Variants in EYS observed in about 807,000 individuals in gnomAD.
The protein encoded by EYS is protein eyes shut homolog.
EYS carries 250 observed loss-of-function variants against 282.1 expected under a neutral mutation model. The observed-to-expected ratio is 0.89, with a 90% confidence interval of 0.80 to 0.98. The LOEUF (loss-of-function observed/expected upper bound fraction) is 0.98, where lower values mean the gene tolerates loss of function less well. Among genes scored for constraint, EYS ranks in the 50% least tolerant of loss-of-function variants. EYS has a pLI of 0.00. For synonymous variants in EYS, 1,355 were observed against 1,282.9 expected, an observed-to-expected ratio of 1.06 and a Z score of -1.20; for missense variants, 4,016 against 3,709.0, an observed-to-expected ratio of 1.08 and a Z score of -2.15.
At chr6:65,589,326 G>A (rs930869375) in intron 2 of EYS, among the ~76,000 whole-genome samples, 2 of 151,974 alleles carry the variant, frequency 1.3e-5, no homozygotes, top group Admixed American at 6.6e-5. Flanking sequence ...ACTCTTTGAC[G>A]ATCCTTACTC....
chr6:63,977,917 C>T (rs1348946285), intron 35 of EYS, among the ~76,000 whole-genome samples: 3 of 152,026 alleles, frequency 2.0e-5, no homozygotes, highest in African/African-American at 7.2e-5. Context: ...AATTCTTGAA[C>T]TTGAGGTTTG....
At chr6:65,446,089 G>A (rs1411021625) in intron 5 of EYS, among the ~76,000 whole-genome samples, 1 of 151,556 alleles carries the variant, frequency 6.6e-6, no homozygotes, top group East Asian at 1.9e-4. Context: ...CAGTGACTTT[G>A]CCTAATGTCA....
At chr6:65,025,550 A>G (rs1224354726) in intron 13 of EYS, among the ~76,000 whole-genome samples, 1 of 152,188 alleles carries the variant, frequency 6.6e-6, no homozygotes, top group Non-Finnish European at 1.5e-5. Context: ...TAAACAGTAA[A>G]GAAACATGGT....
chr6:64,097,206 C>T (rs1772654829), intron 31 of EYS, among the ~76,000 whole-genome samples: 1 of 152,180 alleles, frequency 6.6e-6, no homozygotes, highest in African/African-American at 2.4e-5. Flanking sequence ...GTCAGGGACC[C>T]ACTTGAGGAG....
chr6:64,728,536 C>T (rs1025536242), intron 22 of EYS, among the ~76,000 whole-genome samples: 1 of 152,036 alleles, frequency 6.6e-6, no homozygotes. Context: ...GGGGTTTCAC[C>T]GCATTATCCA....
chr6:65,327,092 T>C (rs1769643259), intron 11 of EYS, among the ~76,000 whole-genome samples: 1 of 151,746 alleles, frequency 6.6e-6, no homozygotes, highest in African/African-American at 2.4e-5. Context: ...GCATTATTGA[T>C]TGTAATGCAA....
chr6:65,246,326 A>C (rs1178659702), intron 12 of EYS, among the ~76,000 whole-genome samples: 2 of 152,162 alleles, frequency 1.3e-5, no homozygotes, highest in Non-Finnish European at 2.9e-5. Flanking sequence ...ATGAAAATGT[A>C]TAGGGACAAG....
At chr6:64,993,261 T>C (rs1417567350) in intron 14 of EYS, among the ~76,000 whole-genome samples, 1 of 151,894 alleles carries the variant, frequency 6.6e-6, no homozygotes, top group African/African-American at 2.4e-5. Context: ...GTCTTTGCTA[T>C]TGTGAATAGT....
chr6:64,372,152 T>TTTTTTTTTTTG (rs1772399617), intron 29 of EYS, among the ~76,000 whole-genome samples: 1 of 82,214 alleles, frequency 1.2e-5, no homozygotes, highest in African/African-American at 3.9e-5. Context: ...TTTTTTTTTT[T>TTTTTTTTTTTG]TTTTTTTTGT....
At chr6:65,393,023 A>G (rs374056571) in intron 7 of EYS, among the ~76,000 whole-genome samples, 8,591 of 151,776 alleles carry the variant, frequency 0.057, 374 homozygotes, top group African/African-American at 0.11. Context: ...TCCTTTGTAG[A>G]GACATGGATG....
At chr6:64,324,766 G>T (rs1472739626) in intron 29 of EYS, among the ~76,000 whole-genome samples, 1 of 152,150 alleles carries the variant, frequency 6.6e-6, no homozygotes, top group South Asian at 2.1e-4. Context: ...ATTTTAGCAA[G>T]ATTTCAGGAT....
intron 39 of EYS, chr6:63,787,002 G>C (rs557611172): frequency 4.8e-4 from 73 of 152,220 alleles, no homozygotes; most frequent in African/African-American, 1.6e-3. Context: ...CAGACATTAA[G>C]AGAGGATCCA....
intron 35 of EYS, among the ~76,000 whole-genome samples, chr6:63,879,499 TA>T (rs1286584601): frequency 1.2e-4 from 18 of 152,176 alleles, no homozygotes; most frequent in Non-Finnish European, 2.2e-4. Context: ...AAGTTTGCAC[TA>T]AAAGCTTTTA....
intron 36 of EYS, among the ~76,000 whole-genome samples, chr6:63,840,772 C>T (rs1021818738): frequency 2.0e-5 from 3 of 152,086 alleles, no homozygotes; most frequent in Non-Finnish European, 2.9e-5. Flanking sequence ...CCAGTTTTCC[C>T]AGCACCATTT....
chr6:64,059,112 C>A (rs1771079007), intron 33 of EYS, among the ~76,000 whole-genome samples: 1 of 152,144 alleles, frequency 6.6e-6, no homozygotes, highest in South Asian at 2.1e-4. Context: ...ACCTTGATAT[C>A]TTTGCAGATC....
intron 23 of EYS, among the ~76,000 whole-genome samples, chr6:64,619,749 A>G (rs1767386596): frequency 6.6e-6 from 1 of 151,926 alleles, no homozygotes; most frequent in South Asian, 2.1e-4. Flanking sequence ...ATCACACATC[A>G]CTGCAGCCTC....
chr6:63,980,256 A>G (rs929424070), intron 35 of EYS, among the ~76,000 whole-genome samples: 1 of 151,620 alleles, frequency 6.6e-6, no homozygotes, highest in Non-Finnish European at 1.5e-5. Context: ...ACAGATTAGA[A>G]TGCTCAAGAG....
chr6:63,875,313 G>A (rs1772938071), intron 35 of EYS, among the ~76,000 whole-genome samples: 1 of 152,154 alleles, frequency 6.6e-6, no homozygotes, highest in African/African-American at 2.4e-5. Context: ...TGCATCCCAG[G>A]GATGAAGCCA....
At chr6:64,094,956 T>A (rs919925119) in intron 31 of EYS, among the ~76,000 whole-genome samples, 1 of 152,222 alleles carries the variant, frequency 6.6e-6, no homozygotes, top group African/African-American at 2.4e-5. Flanking sequence ...ATGTTGTGTC[T>A]TTGTTCTCGT....
Sources: gnomAD v4.1 joint callset for allele counts (sites outside exome capture counted in the v4.1 genomes callset) on GRCh38, gnomAD v4.1.1 for gene constraint, MANE v1.5 for transcripts, NCBI Gene and HGNC (gene_info 2026-07-23, HGNC 2026-07-21) for gene names.